Variants in IL1RAPL2 observed in about 807,000 individuals in gnomAD.
IL1RAPL2 encodes the protein X-linked interleukin-1 receptor accessory protein-like 2.
In IL1RAPL2, 3 loss-of-function variants were observed where a neutral mutation model predicts 44.1. The observed-to-expected ratio is 0.07, with a 90% CI of 0.03 to 0.18. IL1RAPL2 has a LOEUF of 0.18. Among genes scored for constraint, IL1RAPL2 ranks in the 10% least tolerant of loss-of-function variants. IL1RAPL2 has a pLI of 1.00. For synonymous variants in IL1RAPL2, 181 were observed against 178.8 expected (o/e 1.01, Z -0.10); for missense variants, 391 against 496.4 (o/e 0.79, Z 2.02).
chrX:105,731,792 T>A (rs984738319), intron 7 of IL1RAPL2, among the ~76,000 whole-genome samples: 1 of 111,024 alleles, frequency 9.0e-6, no homozygotes, highest in Non-Finnish European at 1.9e-5. Context: ...CTGGGAAGGA[T>A]GTGAGTGTGG....
intron 2 of IL1RAPL2, among the ~76,000 whole-genome samples, chrX:104,831,473 G>T (rs1292294132): frequency 9.0e-6 from 1 of 111,285 alleles, no homozygotes; most frequent in Non-Finnish European, 1.9e-5. Context: ...TAAAGCACAG[G>T]GAGGTTAAGT....
chrX:105,498,359 A>C (rs59469990), intron 6 of IL1RAPL2, among the ~76,000 whole-genome samples: 24,083 of 111,213 alleles, frequency 0.22, 6,417 homozygotes, highest in African/African-American at 0.75. Context: ...GATCTGTATA[A>C]TAAAAACCAC....
In IL1RAPL2 at chrX:104,762,796, T is replaced by A. The variant is rs772502635; in HGVS notation, c.82+103801T>A. 8.1e-5 allele frequency among the ~76,000 whole-genome samples: 9 copies of A among 111,542 alleles called. No homozygotes were observed. In the South Asian group the frequency reaches 3.5e-3, roughly 43 times the overall value. Reference sequence around the variant, plus strand: ...ACAGCCTGAGCTCTGCATTGGCCCCTTTTAGTCTTGGTGGGATGCAGGACA... The same window carrying A: ...ACAGCCTGAGCTCTGCATTGGCCCCATTTAGTCTTGGTGGGATGCAGGACA... On this transcript the variant is annotated intron_variant, in intron 2 of 10. Coordinates refer to ENST00000372582, the MANE Select transcript of IL1RAPL2 (RefSeq NM_017416.2).
chrX:105,289,960 G>A (rs766060418), intron 5 of IL1RAPL2, among the ~76,000 whole-genome samples: 2 of 111,345 alleles, frequency 1.8e-5, no homozygotes, highest in Non-Finnish European at 3.8e-5. Flanking sequence ...TCAGGCAAAG[G>A]GGAAAACTAA....
chrX:104,947,921 A>T (rs1469111608), intron 2 of IL1RAPL2, among the ~76,000 whole-genome samples: 1 of 111,763 alleles, frequency 8.9e-6, no homozygotes. Flanking sequence ...GTTCCATATG[A>T]ACTTTAAAGT....
intron 2 of IL1RAPL2, among the ~76,000 whole-genome samples, chrX:104,878,666 G>T (rs1418890664): frequency 3.6e-5 from 4 of 111,678 alleles, no homozygotes; most frequent in Non-Finnish European, 7.5e-5. Flanking sequence ...AGGTCTCTTT[G>T]TTCTCCCAGA....
intron 2 of IL1RAPL2, among the ~76,000 whole-genome samples, chrX:104,685,542 ACTT>A (rs995973786): frequency 5.4e-5 from 6 of 111,428 alleles, no homozygotes; most frequent in Middle Eastern, 4.7e-3. Flanking sequence ...AATCATCAGT[ACTT>A]CTTCTCTACA....
chrX:105,244,494 G>A (rs760274765), intron 4 of IL1RAPL2, among the ~76,000 whole-genome samples: 42 of 111,579 alleles, frequency 3.8e-4, no homozygotes, highest in Admixed American at 7.7e-4. Context: ...TCCGCTTTCT[G>A]CCATGACTTC....
intron 2 of IL1RAPL2, among the ~76,000 whole-genome samples, chrX:104,775,330 A>G (rs1441562866): frequency 8.9e-6 from 1 of 111,923 alleles, no homozygotes; most frequent in Admixed American, 9.5e-5. Flanking sequence ...TAAAACACAC[A>G]GGGGAGTTGC....
At chrX:105,715,780 C>T (rs981570230) in intron 6 of IL1RAPL2, among the ~76,000 whole-genome samples, 1 of 111,379 alleles carries the variant, frequency 9.0e-6, no homozygotes, top group African/African-American at 3.3e-5. Context: ...GAAAACTCTG[C>T]TTATTGATTC....
chrX:105,264,588 A>G (rs1387040618), intron 4 of IL1RAPL2, among the ~76,000 whole-genome samples: 3 of 111,532 alleles, frequency 2.7e-5, no homozygotes, highest in Non-Finnish European at 5.6e-5. Context: ...TAACTTTGCA[A>G]AAGGCGTATT....
At chrX:104,659,720 G>A (rs1381237324) in intron 2 of IL1RAPL2, among the ~76,000 whole-genome samples, 1 of 112,093 alleles carries the variant, frequency 8.9e-6, no homozygotes, top group Non-Finnish European at 1.9e-5. Flanking sequence ...AGACATTGAG[G>A]AATGTGTTAT....
chrX:104,917,251 G>T (rs1924478854), intron 2 of IL1RAPL2, among the ~76,000 whole-genome samples: 1 of 111,703 alleles, frequency 9.0e-6, no homozygotes. Flanking sequence ...TTCAGAGCCT[G>T]TTAGTAGTTG....
intron 5 of IL1RAPL2, among the ~76,000 whole-genome samples, chrX:105,419,460 C>G (rs1475487251): frequency 1.8e-5 from 2 of 111,539 alleles, no homozygotes; most frequent in African/African-American, 6.5e-5. Context: ...GATTCCACGT[C>G]TCACTATTTC....
chrX:104,899,593 C>T (rs752557126), intron 2 of IL1RAPL2, among the ~76,000 whole-genome samples: 2 of 111,733 alleles, frequency 1.8e-5, no homozygotes, highest in African/African-American at 6.5e-5. Flanking sequence ...TTTTATGCCA[C>T]ACATAATTGT....
intron 2 of IL1RAPL2, among the ~76,000 whole-genome samples, chrX:104,889,399 G>C (rs1392378942): frequency 8.9e-6 from 1 of 112,008 alleles, no homozygotes; most frequent in Non-Finnish European, 1.9e-5. Flanking sequence ...ACCTTGGCAA[G>C]TAGTCTAGGA....
At chrX:105,317,436 A>G (rs965166040) in intron 5 of IL1RAPL2, among the ~76,000 whole-genome samples, 2 of 111,981 alleles carry the variant, frequency 1.8e-5, no homozygotes, top group Non-Finnish European at 3.8e-5. Context: ...CCTAAACCAC[A>G]ATATTTTATC....
intron 2 of IL1RAPL2, among the ~76,000 whole-genome samples, chrX:104,766,567 T>C (rs1441512935): frequency 1.8e-5 from 2 of 112,195 alleles, no homozygotes; most frequent in Non-Finnish European, 3.8e-5. Flanking sequence ...CATTGGATAC[T>C]TATTATGTCC....
chrX:105,664,913 G>A (rs1242319569), intron 6 of IL1RAPL2, among the ~76,000 whole-genome samples: 1 of 112,223 alleles, frequency 8.9e-6, no homozygotes, highest in African/African-American at 3.2e-5. Context: ...TCCAGATATT[G>A]TGCATAACTT....
Sources: allele counts gnomAD v4.1 joint callset (sites outside exome capture counted in the v4.1 genomes callset), GRCh38; gene constraint gnomAD v4.1.1; transcripts MANE v1.5; gene names NCBI Gene and HGNC (gene_info 2026-07-23, HGNC 2026-07-21).